The following PAM variants were observed in gnomAD, a reference collection of about 807,000 sequenced individuals.
The protein encoded by PAM is peptidyl-glycine alpha-amidating monooxygenase.
PAM carries 72 observed loss-of-function variants against 122.1 expected under a neutral mutation model. The ratio of observed to expected loss-of-function variants is 0.59; its 90% CI spans 0.49 to 0.72. PAM has a LOEUF of 0.72. Among genes scored for constraint, PAM ranks in the 30% least tolerant of loss-of-function variants. PAM has a pLI of 0.00. For missense variants in PAM, 1,106 were observed against 1,183.7 expected (o/e 0.93, Z 0.96); for synonymous variants, 389 against 404.4 (o/e 0.96, Z 0.46).
intron 1 of PAM, among the ~76,000 whole-genome samples, chr5:102,854,398 G>T (rs34375252): frequency 0.047 from 7,098 of 152,174 alleles, 293 homozygotes; most frequent in Non-Finnish European, 0.064. Context: ...ATTGGCAAAT[G>T]CTGGGTATTT....
At chr5:102,840,787 G>C (rs1778379659) in intron 1 of PAM, among the ~76,000 whole-genome samples, 1 of 152,164 alleles carries the variant, frequency 6.6e-6, no homozygotes, top group South Asian at 2.1e-4. Context: ...GGTAGAGGAA[G>C]GGGCAAAGAA....
chr5:102,933,816 G>A (rs1752364348), intron 7 of PAM, among the ~76,000 whole-genome samples: 2 of 152,210 alleles, frequency 1.3e-5, no homozygotes, highest in African/African-American at 4.8e-5. Context: ...GAGATCAGTG[G>A]CAAGGTAACT....
intron 3 of PAM, among the ~76,000 whole-genome samples, chr5:102,892,084 A>G (rs1445296262): frequency 6.6e-6 from 1 of 151,698 alleles, no homozygotes; most frequent in Admixed American, 6.6e-5. Flanking sequence ...TTTAGATGTG[A>G]GGTGAAGTCT....
At chr5:102,899,702 A>G (rs553766689) in intron 3 of PAM, among the ~76,000 whole-genome samples, 1 of 151,864 alleles carries the variant, frequency 6.6e-6, no homozygotes, top group African/African-American at 2.4e-5. Flanking sequence ...ATAAGCCAAC[A>G]CCACTTAAAG....
chr5:103,021,152 G>A (rs1017450659), intron 23 of PAM, among the ~76,000 whole-genome samples: 3 of 152,102 alleles, frequency 2.0e-5, no homozygotes, highest in East Asian at 1.9e-4. Context: ...TTTTACATAT[G>A]AGGAAATTGA....
chr5:102,993,122 A>T (rs1053244862), intron 16 of PAM, among the ~76,000 whole-genome samples: 8 of 152,132 alleles, frequency 5.3e-5, no homozygotes, highest in Non-Finnish European at 1.5e-5. Context: ...GAAAGATGAT[A>T]GTCACTCCCT....
At chr5:102,786,478 A>C (rs968042317) in intron 1 of PAM, among the ~76,000 whole-genome samples, 1 of 152,132 alleles carries the variant, frequency 6.6e-6, no homozygotes, top group South Asian at 2.1e-4. Flanking sequence ...AATCGTTGCT[A>C]TTAACAGTTT....
intron 15 of PAM, among the ~76,000 whole-genome samples, chr5:102,980,716 A>G (rs1193506101): frequency 6.6e-6 from 1 of 152,232 alleles, no homozygotes; most frequent in East Asian, 1.9e-4. Flanking sequence ...AGTATTAATT[A>G]ACTTAGCTAA....
intron 21 of PAM, 147 bp downstream of exon 21, chr5:103,010,013 A>AT (rs1412402433): frequency 3.1e-6 from 1 of 324,506 alleles, no homozygotes; most frequent in Admixed American, 4.7e-5. Flanking sequence ...GGAGTGTTCT[A>AT]TTTTATTTTT....
intron 1 of PAM, among the ~76,000 whole-genome samples, chr5:102,767,123 T>TA (rs1754345235): frequency 6.6e-6 from 1 of 151,778 alleles, no homozygotes. Context: ...TTATGGTTTT[T>TA]ATCTTATTAA....
At chr5:102,757,484 T>A (rs1750780670) in intron 1 of PAM, among the ~76,000 whole-genome samples, 1 of 152,224 alleles carries the variant, frequency 6.6e-6, no homozygotes, top group Admixed American at 6.5e-5. Context: ...GAATTCTGTG[T>A]TTTTAGAATG....
chr5:102,992,884 C>T (rs138841322), intron 16 of PAM, among the ~76,000 whole-genome samples: 3 of 152,156 alleles, frequency 2.0e-5, no homozygotes, highest in Admixed American at 1.3e-4. Context: ...TCCCATAGTT[C>T]GTAAGATGTG....
chr5:102,775,511 G>A (rs139204335), intron 1 of PAM, among the ~76,000 whole-genome samples: 2 of 151,984 alleles, frequency 1.3e-5, no homozygotes, highest in East Asian at 3.9e-4. Flanking sequence ...ACCCCGAAAG[G>A]CCCCAGTGTG....
intron 1 of PAM, among the ~76,000 whole-genome samples, chr5:102,851,373 G>C (rs1781326264): frequency 6.6e-6 from 1 of 152,074 alleles, no homozygotes; most frequent in African/African-American, 2.4e-5. Flanking sequence ...ATTCCCTCTA[G>C]TGTGTTTTGT....
At chr5:102,816,467 T>G (rs1408814439) in intron 1 of PAM, among the ~76,000 whole-genome samples, 1 of 152,120 alleles carries the variant, frequency 6.6e-6, no homozygotes, top group Non-Finnish European at 1.5e-5. Flanking sequence ...GCATGTTGTT[T>G]CCATTTCTTT....
chr5:102,768,976 A>G (rs1455583265), intron 1 of PAM, among the ~76,000 whole-genome samples: 2 of 152,136 alleles, frequency 1.3e-5, no homozygotes, highest in African/African-American at 2.4e-5. Context: ...ACAGTGTTCA[A>G]AGGTTCCCTT....
intron 1 of PAM, among the ~76,000 whole-genome samples, chr5:102,823,937 G>A (rs1772827999): frequency 6.6e-6 from 1 of 152,146 alleles, no homozygotes; most frequent in Non-Finnish European, 1.5e-5. Flanking sequence ...TCGTTTAGGA[G>A]AAAAATACTC....
intron 14 of PAM, among the ~76,000 whole-genome samples, chr5:102,972,393 C>T (rs1360151810): frequency 1.3e-5 from 2 of 152,122 alleles, no homozygotes; most frequent in Non-Finnish European, 2.9e-5. Context: ...GCAGTCCTCC[C>T]ACTTTAGCCT....
At chr5:102,987,883 A>G (rs940887264) in intron 15 of PAM, among the ~76,000 whole-genome samples, 1 of 152,188 alleles carries the variant, frequency 6.6e-6, no homozygotes. Context: ...AATACACATG[A>G]GTGACAATGA....
Sources: gnomAD v4.1 joint callset for allele counts (sites outside exome capture counted in the v4.1 genomes callset) on GRCh38, gnomAD v4.1.1 for gene constraint, MANE v1.5 for transcripts, NCBI Gene and HGNC (gene_info 2026-07-23, HGNC 2026-07-21) for gene names.